Variants in MLLT10 observed in about 807,000 individuals in gnomAD.
The protein encoded by MLLT10 is protein AF-10.
In MLLT10, 30 loss-of-function variants were observed where a neutral mutation model predicts 129.1. The ratio of observed to expected loss-of-function variants is 0.23; its 90% CI spans 0.17 to 0.32. MLLT10 has a LOEUF of 0.32. MLLT10 is among the 10% of genes least tolerant of loss of function. The pLI, the probability that MLLT10 is intolerant of heterozygous loss-of-function variation, is 1.00. For synonymous variants in MLLT10, 490 were observed against 446.4 expected (o/e 1.10, Z -1.23); for missense variants, 1,119 against 1,268.3 (o/e 0.88, Z 1.79).
chr10:21,539,411 TC>T (rs1213916896), intron 3 of MLLT10, among the ~76,000 whole-genome samples: 2 of 147,220 alleles, frequency 1.4e-5, no homozygotes, highest in East Asian at 2.0e-4. Context: ...AACATAAAAA[TC>T]TTTTTTTTTT....
chr10:21,715,475 GA>G, intron 14 of MLLT10, among the ~76,000 whole-genome samples: 1 of 152,282 alleles, frequency 6.6e-6, no homozygotes, highest in South Asian at 2.1e-4. Context: ...ATAAATGAAA[GA>G]ATAGCTCCTA....
Position 21,651,762 on chromosome 10 carries a change from A to C in MLLT10, c.789A>C (p.Thr263=). 5 of 1,605,188 alleles carry C rather than the reference A, an allele frequency of 3.1e-6. No homozygotes were observed. Among genetic ancestry groups the C allele is most frequent in the Non-Finnish European group, 4.3e-6 (5 of 1,173,894 alleles). The change falls in exon 9 of 23, where the codon ACA becomes ACC. Residue 263 remains threonine (T), a synonymous_variant. Coordinates refer to ENST00000307729, the MANE Select transcript of MLLT10 (RefSeq NM_001195626.3). ...TGGTTCCATCCTTGACTGTTACTACAGAAAAAGTAAGTTTTAAGTATCATA... is the reference window on the plus strand; with the variant it reads ...TGGTTCCATCCTTGACTGTTACTACCGAAAAAGTAAGTTTTAAGTATCATA... ...PALVPSLTVT[T]EKTYTSTSNN... is the part of the protein sequence containing the mutation.
rs1204451128 is a variant in MLLT10, at chr10:21,739,352, C to CA, written c.2956-678_2956-677insA. Among the ~76,000 whole-genome samples, 3 of 152,142 alleles carry CA rather than the reference C, an allele frequency of 2.0e-5. No individual in the cohort carries two copies. In the East Asian group the frequency reaches 5.8e-4, roughly 29 times the overall value. The stretch of plus-strand genomic sequence containing the variant: ...TGCCCCCATATCCACCCAGCGAATT[C>CA]CCTCTTCTCCTCCAAATCTTCATCC... On this transcript the variant is annotated intron_variant, in intron 21 of 22. Transcript: ENST00000307729.
intron 13 of MLLT10, among the ~76,000 whole-genome samples, chr10:21,690,755 A>G (rs1207623985): frequency 1.3e-5 from 2 of 151,858 alleles, no homozygotes; most frequent in East Asian, 1.9e-4. Flanking sequence ...CCTTCTGAAC[A>G]TTTTTTCTAA....
chr10:21,727,934 C>T lies in MLLT10; in HGVS notation c.2063+6C>T, dbSNP rs955339356. 3.1e-6 allele frequency: 5 copies of T among 1,613,150 alleles called. No individual in the cohort carries two copies. The African/African-American group carries it at 4.0e-5, about 13-fold the overall frequency. On this transcript the variant is annotated splice_donor_region_variant and intron_variant, in intron 16 of 22. Transcript: ENST00000307729. ...CGAGGAAGTCTCTCGCCACGGTAAGCGCTATTTACACTGCAAAGTATAGGC... is the reference window on the plus strand; with the variant it reads ...CGAGGAAGTCTCTCGCCACGGTAAGTGCTATTTACACTGCAAAGTATAGGC...
chr10:21,603,225 T>C (rs1432609812), intron 5 of MLLT10, among the ~76,000 whole-genome samples: 1 of 150,110 alleles, frequency 6.7e-6, no homozygotes, highest in African/African-American at 2.4e-5. Context: ...GCTAATTTTT[T>C]TTTTTTTTTT....
chr10:21,593,077 C>G (rs1244133721), intron 4 of MLLT10, among the ~76,000 whole-genome samples: 1 of 149,178 alleles, frequency 6.7e-6, no homozygotes, highest in African/African-American at 2.5e-5. Flanking sequence ...CATGTCTAAA[C>G]CGTTGTTAAT....
At chr10:21,615,195 C>T (rs964643728) in intron 7 of MLLT10, among the ~76,000 whole-genome samples, 3 of 151,910 alleles carry the variant, frequency 2.0e-5, no homozygotes, top group African/African-American at 4.8e-5. Flanking sequence ...TTGTGGCTCA[C>T]ACCTGTAATC....
At chr10:21,650,401 G>A (rs2048907088) in intron 8 of MLLT10, among the ~76,000 whole-genome samples, 1 of 152,086 alleles carries the variant, frequency 6.6e-6, no homozygotes, top group South Asian at 2.1e-4. Flanking sequence ...TACTGTTGCT[G>A]AAGTACTGAC....
chr10:21,576,147 G>A (rs1396373550), intron 3 of MLLT10, among the ~76,000 whole-genome samples: 3 of 151,450 alleles, frequency 2.0e-5, no homozygotes, highest in African/African-American at 7.3e-5. Flanking sequence ...GGCTGGTTTC[G>A]AACCCCTGGC....
chr10:21,741,281 C>T (rs1299434051), intron 22 of MLLT10, among the ~76,000 whole-genome samples: 1 of 148,712 alleles, frequency 6.7e-6, no homozygotes, highest in African/African-American at 2.5e-5. Context: ...TTTTCCCCCC[C>T]AGTGTTTCAC....
At chr10:21,735,992 T>TA (rs1347596190) in intron 21 of MLLT10, among the ~76,000 whole-genome samples, 3 of 152,220 alleles carry the variant, frequency 2.0e-5, no homozygotes, top group African/African-American at 7.2e-5. Context: ...AAGACCTATG[T>TA]ACGCCTCATT....
intron 3 of MLLT10, among the ~76,000 whole-genome samples, chr10:21,540,391 C>CAA (rs770542365): frequency 3.9e-4 from 51 of 131,446 alleles, no homozygotes; most frequent in Admixed American, 1.4e-3. Context: ...GAGACTGTTT[C>CAA]AAAAAAAAAA....
chr10:21,681,165 C>T (rs762005133), intron 11 of MLLT10, among the ~76,000 whole-genome samples, 167 bp from the exon 12 acceptor site: 1 of 152,126 alleles, frequency 6.6e-6, no homozygotes, highest in Non-Finnish European at 1.5e-5. Context: ...GGTTCTCCCC[C>T]TCATGTCCCA....
At chr10:21,551,200 T>TA (rs1283735136) in intron 3 of MLLT10, among the ~76,000 whole-genome samples, 2 of 151,374 alleles carry the variant, frequency 1.3e-5, no homozygotes, top group Non-Finnish European at 2.9e-5. Context: ...GCTGGGATTA[T>TA]AGGCGTGAGC....
chr10:21,700,260 C>T (rs2054785287), intron 13 of MLLT10, among the ~76,000 whole-genome samples: 1 of 151,824 alleles, frequency 6.6e-6, no homozygotes, highest in Non-Finnish European at 1.5e-5. Flanking sequence ...TTCTTATAGT[C>T]TTTTGGTGGA....
intron 13 of MLLT10, among the ~76,000 whole-genome samples, chr10:21,703,561 T>A (rs1483259324): frequency 6.6e-6 from 1 of 152,036 alleles, no homozygotes; most frequent in African/African-American, 2.4e-5. Flanking sequence ...TTCTTTTTTT[T>A]TGAGACAGAG....
chr10:21,547,793 C>T (rs576577132), intron 3 of MLLT10, among the ~76,000 whole-genome samples: 128 of 152,210 alleles, frequency 8.4e-4, no homozygotes, highest in African/African-American at 2.8e-3. Flanking sequence ...CCTGCTTTGG[C>T]CTCCCAAAGT....
chr10:21,549,246 C>T (rs1489226797), intron 3 of MLLT10, among the ~76,000 whole-genome samples: 4 of 151,840 alleles, frequency 2.6e-5, no homozygotes, highest in Non-Finnish European at 5.9e-5. Flanking sequence ...GCCTCAGCCT[C>T]CCCAGTAGCT....
Sources: gnomAD v4.1 joint callset for allele counts (sites outside exome capture counted in the v4.1 genomes callset) on GRCh38, gnomAD v4.1.1 for gene constraint, MANE v1.5 for transcripts, NCBI Gene and HGNC (gene_info 2026-07-23, HGNC 2026-07-21) for gene names.